Variants in ST7 observed in about 807,000 individuals in gnomAD.
ST7 encodes the protein suppressor of tumorigenicity 7 protein.
A neutral mutation model predicts 78.7 loss-of-function variants in ST7; 28 were observed. The observed-to-expected ratio is 0.36, with a 90% CI of 0.26 to 0.49. The LOEUF (loss-of-function observed/expected upper bound fraction) is 0.49, where lower values mean the gene tolerates loss of function less well. ST7 is among the 20% of genes least tolerant of loss of function. ST7 has a pLI of 0.99. For synonymous variants in ST7, 247 were observed against 249.6 expected (o/e 0.99, Z 0.10); for missense variants, 418 against 696.0 (o/e 0.60, Z 4.49).
intron 1 of ST7, among the ~76,000 whole-genome samples, chr7:117,032,234 T>C (rs1032403797): frequency 6.6e-6 from 1 of 152,084 alleles, no homozygotes; most frequent in African/African-American, 2.4e-5. Context: ...CTTAGAACAT[T>C]TAAAAATTAT....
At chr7:116,972,569 CT>C in intron 1 of ST7, 1 of 1,410,688 alleles carries the variant, frequency 7.1e-7, no homozygotes. Flanking sequence ...ATGTGCTTAG[CT>C]TCTTTGAGTT....
intron 1 of ST7, among the ~76,000 whole-genome samples, chr7:116,984,649 A>G (rs1022109280): frequency 2.6e-5 from 4 of 152,166 alleles, no homozygotes; most frequent in Non-Finnish European, 4.4e-5. Flanking sequence ...TCTCATTTGT[A>G]CAGTGGGGAT....
At chr7:117,220,133 C>T (rs1415835813) in intron 14 of ST7, among the ~76,000 whole-genome samples, 1 of 152,182 alleles carries the variant, frequency 6.6e-6, no homozygotes, top group African/African-American at 2.4e-5. Flanking sequence ...CCTTAGAGCC[C>T]TGGGTGCATA....
intron 1 of ST7, chr7:116,955,287 C>T: frequency 3.0e-6 from 1 of 332,458 alleles, no homozygotes; most frequent in Non-Finnish European, 5.9e-6. Context: ...CAGAATACCA[C>T]AGATTGGGTA....
chr7:117,161,903 A>G (rs1346233057), intron 9 of ST7, among the ~76,000 whole-genome samples: 1 of 151,666 alleles, frequency 6.6e-6, no homozygotes, highest in Non-Finnish European at 1.5e-5. Flanking sequence ...CCTGGCCCTC[A>G]TTTTCTTTTC....
chr7:117,074,874 T>C (rs988114445), intron 1 of ST7: 7 of 152,214 alleles, frequency 4.6e-5, no homozygotes, highest in African/African-American at 1.7e-4. Flanking sequence ...GTGCCCTTTT[T>C]GTATTTGTAT....
At chr7:116,981,941 A>T (rs1793978395) in intron 1 of ST7, among the ~76,000 whole-genome samples, 1 of 152,242 alleles carries the variant, frequency 6.6e-6, no homozygotes, top group Non-Finnish European at 1.5e-5. Context: ...CTGCAAAATC[A>T]TTAGGTGATA....
chr7:116,976,639 C>T (rs1188395071), intron 1 of ST7, among the ~76,000 whole-genome samples: 1 of 152,186 alleles, frequency 6.6e-6, no homozygotes, highest in Non-Finnish European at 1.5e-5. Context: ...AAGGCCAAGC[C>T]CAACATCCGT....
At chr7:116,961,595 G>GTGTGTGTGT (rs1792831999) in intron 1 of ST7, among the ~76,000 whole-genome samples, 7 of 123,680 alleles carry the variant, frequency 5.7e-5, no homozygotes, top group Non-Finnish European at 8.7e-5. Context: ...TGTGTGTGTG[G>GTGTGTGTGT]TGGGGGGCAA....
intron 3 of ST7, among the ~76,000 whole-genome samples, chr7:117,122,050 A>T (rs1050140344): frequency 3.3e-5 from 5 of 152,202 alleles, no homozygotes; most frequent in Non-Finnish European, 5.9e-5. Context: ...TAATGGAAGT[A>T]GAGAGATAGT....
chr7:117,163,278 CT>C (rs1359800977), intron 9 of ST7, among the ~76,000 whole-genome samples: 2 of 152,044 alleles, frequency 1.3e-5, no homozygotes, highest in African/African-American at 4.8e-5. Flanking sequence ...ATTTCCTTTC[CT>C]TTGGATAAAT....
At chr7:117,154,364 G>T (rs1004576818) in intron 9 of ST7, among the ~76,000 whole-genome samples, 1 of 152,206 alleles carries the variant, frequency 6.6e-6, no homozygotes, top group African/African-American at 2.4e-5. Context: ...ATAGATTTCT[G>T]TTGTTTAAGA....
chr7:117,140,360 CTTA>C (rs1447927437), intron 9 of ST7, among the ~76,000 whole-genome samples: 1 of 152,090 alleles, frequency 6.6e-6, no homozygotes, highest in Non-Finnish European at 1.5e-5. Flanking sequence ...CCCAAGGCAA[CTTA>C]TTAATACCTT....
At chr7:116,992,202 T>G (rs1794463088) in intron 1 of ST7, among the ~76,000 whole-genome samples, 1 of 152,206 alleles carries the variant, frequency 6.6e-6, no homozygotes, top group Non-Finnish European at 1.5e-5. Context: ...ACAGCTCCAC[T>G]AGGCAGAGCA....
chr7:117,181,789 T>A (rs926998208), intron 10 of ST7, among the ~76,000 whole-genome samples: 1 of 152,116 alleles, frequency 6.6e-6, no homozygotes, highest in Non-Finnish European at 1.5e-5. Context: ...ACAGATGAGA[T>A]AGTGGATATG....
chr7:117,015,314 A>AT (rs1312375598), intron 1 of ST7, among the ~76,000 whole-genome samples: 2 of 152,210 alleles, frequency 1.3e-5, no homozygotes, highest in African/African-American at 4.8e-5. Flanking sequence ...AGGCCAGAGG[A>AT]TTTAAAGTAC....
At chr7:117,218,939 A>T in intron 13 of ST7, 145 bp from the exon 14 acceptor site, 2 of 622,208 alleles carry the variant, frequency 3.2e-6, no homozygotes, top group Non-Finnish European at 5.7e-6. Context: ...CTGACATTTC[A>T]TCTGGCACAT....
intron 2 of ST7, chr7:117,118,003 C>T (rs17139357): frequency 0.058 from 8,786 of 152,268 alleles, 348 homozygotes; most frequent in East Asian, 0.14. Context: ...CCAAATGTTA[C>T]AGATTAGTCT....
At chr7:117,153,246 G>A (rs931452031) in intron 9 of ST7, among the ~76,000 whole-genome samples, 4 of 152,202 alleles carry the variant, frequency 2.6e-5, no homozygotes, top group Non-Finnish European at 4.4e-5. Flanking sequence ...TTATGGATGG[G>A]TGGGCAGGAG....
Sources: gnomAD v4.1 joint callset for allele counts (sites outside exome capture counted in the v4.1 genomes callset) on GRCh38, gnomAD v4.1.1 for gene constraint, MANE v1.5 for transcripts, NCBI Gene and HGNC (gene_info 2026-07-23, HGNC 2026-07-21) for gene names.